The following C1orf50 variants were observed in gnomAD, a reference collection of about 807,000 sequenced individuals.
C1orf50 encodes the protein chromosome 1 open reading frame 50.
C1orf50 carries 22 observed loss-of-function variants against 23.3 expected under a neutral mutation model. The ratio of observed to expected loss-of-function variants is 0.94; its 90% confidence interval spans 0.67 to 1.35. The LOEUF (loss-of-function observed/expected upper bound fraction) is 1.35, where lower values mean the gene tolerates loss of function less well. Among genes scored for constraint, C1orf50 ranks in the 40% most tolerant of loss-of-function variants. The probability of loss-of-function intolerance (pLI) is 0.00; values close to 1 mark genes in which losing one functional copy is unlikely to be tolerated. For missense variants in C1orf50, 271 were observed against 249.4 expected, an observed-to-expected ratio of 1.09 and a Z score of -0.58; for synonymous variants, 96 against 102.4, an observed-to-expected ratio of 0.94 and a Z score of 0.38.
intron 2 of C1orf50, among the ~76,000 whole-genome samples, chr1:42,768,312 T>C: frequency 6.6e-6 from 1 of 152,248 alleles, no homozygotes; most frequent in East Asian, 1.9e-4. Flanking sequence ...TAAAGTTTTG[T>C]CATTATTCAA....
At position 42,775,786 on chromosome 1, in the gene C1orf50, A is replaced by ATATATATATATATATATAT. The variant is rs1557586417; in HGVS notation, c.*392_*393insTATATATATATATATATAT. ...TTTATATATATATATATATATATAT[A>ATATATATATATATATATAT]ACTGGTAGTATTTAACATTGGGGTT... On this transcript the variant is annotated 3_prime_UTR_variant, in exon 5 of 5. Transcript: ENST00000372525. The ATATATATATATATATATAT allele has an allele frequency of 7.1e-5, 10 of 140,756 alleles. No individual in the cohort carries two copies. The highest frequency in any genetic ancestry group is 6.7e-4 in the South Asian group (3 of 4,504). 8.7% of individuals were successfully genotyped at this position (140,756 alleles called of 1,614,324 possible). A position where few individuals can be genotyped will look rare whatever the true frequency, so the allele number is the denominator to read the frequency against.
At position 42,775,299 on chromosome 1, in the gene C1orf50, C is replaced by G. The variant is rs1220973499; in HGVS notation, c.505C>G (p.Gln169Glu). The G allele has an allele frequency of 6.2e-7, 1 of 1,613,402 alleles. No individual in the cohort carries two copies. The highest frequency in any genetic ancestry group is 1.7e-5 in the Admixed American group (1 of 60,004). Residue 169 changes from glutamine (Q) to glutamate (E), a missense_variant, in exon 5 of 5, where the codon CAA (glutamine) becomes GAA (glutamate). Physicochemically the swap from Gln to Glu is conservative, Grantham distance 29 (BLOSUM62 2). Coordinates refer to ENST00000372525, the MANE Select transcript of C1orf50 (RefSeq NM_024097.4). The stretch of plus-strand genomic sequence containing the variant: ...GACTCCGTATGAGGACATTGAGAAG[C>G]AAGATGCTAAAATCAGCATGATGGA... ...SWTPYEDIEK[Q>E]DAKISMMDTL...
chr1:42,773,890 T>TCAGCTCA (rs771044874), intron 3 of C1orf50, among the ~76,000 whole-genome samples: 13 of 152,218 alleles, frequency 8.5e-5, no homozygotes, highest in Non-Finnish European at 1.6e-4. Context: ...TGGCATGGTC[T>TCAGCTCA]CAGCTCACTG....
In C1orf50 at chr1:42,774,236, C is replaced by CT. The variant is rs201884440; in HGVS notation, c.283-492dup. Among the ~76,000 whole-genome samples, 241 of 151,188 alleles carry CT rather than the reference C, an allele frequency of 1.6e-3. 1 individual carries two copies. The highest frequency in any genetic ancestry group is 5.9e-3 in the South Asian group (28 of 4,782). On this transcript the variant is annotated intron_variant, in intron 3 of 4. Coordinates refer to ENST00000372525, the MANE Select transcript of C1orf50 (RefSeq NM_024097.4). ...ATTAATGCTCAACATTTTGAAATAT[C>CT]TTTTTTTTTGAGATAGGGTATCACT...
intron 1 of C1orf50, 58 bp downstream of exon 1, chr1:42,767,448 G>A: frequency 6.4e-7 from 1 of 1,553,686 alleles, no homozygotes; most frequent in Non-Finnish European, 8.7e-7. Context: ...GCCGGTCTCG[G>A]GGCTCCGCGG....
Position 42,767,320 on chromosome 1 carries a change from C to A in C1orf50, c.9C>A (p.Asp3Glu), listed in dbSNP as rs775113496. The A allele has an allele frequency of 1.3e-6, 2 of 1,513,332 alleles. No individual in the cohort carries two copies. Among genetic ancestry groups the A allele is most frequent in the East Asian group, 4.8e-5 (2 of 42,098 alleles). 93.7% of individuals were successfully genotyped at this position (1,513,332 alleles called of 1,614,324 possible). The change falls in exon 1 of 5, where the codon GAC (aspartate) becomes GAA (glutamate). Residue 3 changes from aspartate to glutamate, a missense_variant. Physicochemically the swap from Asp to Glu is conservative, Grantham distance 45. Coordinates refer to ENST00000372525, the MANE Select transcript of C1orf50 (RefSeq NM_024097.4). ME[D>E]AAAPGRTEGV... is the part of the protein sequence containing the mutation. ...GAGGATAAGGCGCTGTCATGGAGGA[C>A]GCCGCCGCGCCGGGGCGGACCGAGG...
chr1:42,775,799 T>C lies in C1orf50; in HGVS notation c.*405T>C, dbSNP rs1570496186. ...ATATATATATATAACTGGTAGTATT[T>C]AACATTGGGGTTGAGGCTGTCTCAC... On this transcript the variant is annotated 3_prime_UTR_variant, in exon 5 of 5. Coordinates refer to ENST00000372525, the MANE Select transcript of C1orf50 (RefSeq NM_024097.4). 6.8e-6 allele frequency: 1 copy of C among 147,262 alleles called. No homozygotes were observed. Among genetic ancestry groups the C allele is most frequent in the South Asian group, 2.2e-4 (1 of 4,592 alleles). The allele number at this position is 147,262 out of a possible 1,614,324, so 9.1% of individuals were successfully genotyped here. A position where few individuals can be genotyped will look rare whatever the true frequency, so the allele number is the denominator to read the frequency against.
At position 42,774,856 on chromosome 1, in the gene C1orf50, C is replaced by T. The variant is rs768083413; in HGVS notation, c.402C>T (p.Ile134=). 1.2e-5 allele frequency: 20 copies of T among 1,611,680 alleles called. No individual in the cohort carries two copies. The highest frequency in any genetic ancestry group is 5.0e-5 in the Admixed American group (3 of 59,954). The change falls in exon 4 of 5, where the codon ATC becomes ATT. Residue 134 remains isoleucine, a synonymous_variant. Coordinates refer to ENST00000372525, the MANE Select transcript of C1orf50 (RefSeq NM_024097.4). ...AGAGTGGTCAGCAGTATTTTTCCAT[C>T]ATTTCTCCAAAGGTAAGAACATACA... The part of the protein sequence containing the change: ...KRESGQQYFS[I]ISPKEWGTSC...
At chr1:42,774,909 T>C in intron 4 of C1orf50, 41 bp downstream of exon 4, 2 of 1,581,006 alleles carry the variant, frequency 1.3e-6, no homozygotes, top group Non-Finnish European at 1.7e-6. Flanking sequence ...TACTCCAGCC[T>C]CTGAGAAATT....
chr1:42,767,329 G>A lies in C1orf50; in HGVS notation c.18G>A (p.Ala6=). 1 of 1,522,404 alleles carries A rather than the reference G, an allele frequency of 6.6e-7. No individual in the cohort carries two copies. The highest frequency in any genetic ancestry group is 2.4e-5 in the East Asian group (1 of 42,266). The allele number at this position is 1,522,404 out of a possible 1,614,324, so 94.3% of individuals were successfully genotyped here. Residue 6 remains alanine (A), a synonymous_variant, in exon 1 of 5, where the codon GCG becomes GCA. Coordinates refer to ENST00000372525, the MANE Select transcript of C1orf50 (RefSeq NM_024097.4). ...GCGCTGTCATGGAGGACGCCGCCGC[G>A]CCGGGGCGGACCGAGGGGGTCCTTG... MEDAA[A]PGRTEGVLER...
intron 4 of C1orf50, 47 bp downstream of exon 4, chr1:42,774,915 A>G: frequency 6.3e-7 from 1 of 1,578,532 alleles, no homozygotes; most frequent in Non-Finnish European, 8.6e-7. Context: ...AGCCTCTGAG[A>G]AATTCTTGGT....
chr1:42,778,218 T>C lies in C1orf50; in HGVS notation c.*2824T>C, dbSNP rs950441608. Reference sequence around the variant, plus strand: ...TCTGTTCACCTGATAATTTCATTAGTGTTAAGTGCCTTCTAGGTTCCAGGT... The same window carrying C: ...TCTGTTCACCTGATAATTTCATTAGCGTTAAGTGCCTTCTAGGTTCCAGGT... On this transcript the variant is annotated 3_prime_UTR_variant, in exon 5 of 5. Transcript: ENST00000372525. 1.3e-5 allele frequency: 2 copies of C among 152,276 alleles called. No homozygotes were observed. The highest frequency in any genetic ancestry group is 2.9e-5 in the Non-Finnish European group (2 of 68,020). The allele number at this position is 152,276 out of a possible 1,614,324, so 9.4% of individuals were successfully genotyped here.
intron 2 of C1orf50, among the ~76,000 whole-genome samples, chr1:42,768,684 C>T (rs1653146640): frequency 6.6e-6 from 1 of 152,110 alleles, no homozygotes; most frequent in African/African-American, 2.4e-5. Context: ...AGAGAATATG[C>T]ATCTAGTTAA....
intron 2 of C1orf50, among the ~76,000 whole-genome samples, chr1:42,768,248 C>T (rs949822247): frequency 3.3e-5 from 5 of 152,208 alleles, no homozygotes; most frequent in Non-Finnish European, 7.3e-5. Context: ...CTCTCTGGAC[C>T]TCAACTATTT....
At chr1:42,767,464 C>G in intron 1 of C1orf50, 45 bp from the exon 2 acceptor site, 2 of 1,555,212 alleles carry the variant, frequency 1.3e-6, no homozygotes, top group Non-Finnish European at 1.7e-6. Flanking sequence ...CGCGGGAGGC[C>G]GACGGCGGGA....
intron 2 of C1orf50, among the ~76,000 whole-genome samples, chr1:42,770,571 T>A (rs1653195022): frequency 1.3e-5 from 2 of 152,176 alleles, no homozygotes; most frequent in Admixed American, 6.5e-5. Context: ...TAGCTGGGAT[T>A]ATAGACATGT....
chr1:42,772,077 G>A (rs1653236511), intron 2 of C1orf50, among the ~76,000 whole-genome samples: 1 of 151,986 alleles, frequency 6.6e-6, no homozygotes, highest in African/African-American at 2.4e-5. Flanking sequence ...TCTGTTGAAC[G>A]GTATTAGACT....
At position 42,767,290 on chromosome 1, in the gene C1orf50, G is replaced by A; in HGVS notation, c.-22G>A. ...TCTTCCTACTCGCACAGCCCAGGGA[G>A]TGGGGAGGATAAGGCGCTGTCATGG... On this transcript the variant is annotated 5_prime_UTR_variant, in exon 1 of 5. The change creates a new upstream start codon in the 5' untranslated region. Transcript: ENST00000372525. The A allele has an allele frequency of 5.4e-6, 8 of 1,489,560 alleles. No individual in the cohort carries two copies. The highest frequency in any genetic ancestry group is 7.1e-6 in the Non-Finnish European group (8 of 1,124,996). 92.3% of individuals were successfully genotyped at this position (1,489,560 alleles called of 1,614,324 possible).
chr1:42,772,851 A>G (rs895744259), intron 2 of C1orf50, among the ~76,000 whole-genome samples: 2 of 152,192 alleles, frequency 1.3e-5, no homozygotes, highest in Non-Finnish European at 2.9e-5. Context: ...TGTGTACATT[A>G]TAACTCTGTT....
Sources: gnomAD v4.1 joint callset for allele counts (sites outside exome capture counted in the v4.1 genomes callset) on GRCh38, gnomAD v4.1.1 for gene constraint, MANE v1.5 for transcripts, NCBI Gene and HGNC (gene_info 2026-07-23, HGNC 2026-07-21) for gene names.